TTN: variants seen among roughly 807,000 people sequenced by gnomAD.
The protein encoded by TTN is connectin.
Under a neutral mutation model 3,223.0 loss-of-function variants are expected in TTN, and 1,525 were observed. The observed-to-expected ratio is 0.47, with a 90% CI of 0.45 to 0.49. The LOEUF (loss-of-function observed/expected upper bound fraction) is 0.49. Among genes scored for constraint, TTN ranks in the 20% least tolerant of loss-of-function variants. The pLI is 0.00. For synonymous variants in TTN, 14,094 were observed against 15,161.0 expected (o/e 0.93, Z 5.17); for missense variants, 40,786 against 43,424.0 (o/e 0.94, Z 5.40).
At position 178,718,154 on chromosome 2, in the gene TTN, C is replaced by T. The variant is rs1375269044; in HGVS notation, c.24852G>A (p.Gln8284=). 2.5e-6 allele frequency: 4 copies of T among 1,607,268 alleles called. No homozygotes were observed. Among genetic ancestry groups the T allele is most frequent in the African/African-American group, 2.7e-5 (2 of 74,888 alleles). The part of the protein sequence containing the change: ...EAVIGEPATL[Q]CKVDGTPEIR... ...TTTCTGGAGTTCCATCCACTTTACA[C>T]TGTAAAGTTGCAGGTTCTCCAATGA... Residue 8284 remains glutamine (Q), a synonymous_variant, in exon 86 of 363, where the codon CAG becomes CAA. Transcript: ENST00000589042.
chr2:178,719,689 G>A lies in TTN; in HGVS notation c.23803C>T (p.His7935Tyr). ...ACTTTATTGATGAATGTAATGTGAT[G>A]TTTGCTGTCTGCAGACAATTCTCTT... ...DGRELSADSKHHITFINKVAS... is the reference protein window; with the variant it reads ...DGRELSADSKYHITFINKVAS... The change falls in exon 82 of 363, where the codon CAT becomes TAT. Residue 7935 changes from histidine to tyrosine, a missense_variant. Physicochemically the swap from His to Tyr is moderately conservative, Grantham distance 83. Transcript: ENST00000589042. The A allele has an allele frequency of 6.2e-7, 1 of 1,613,718 alleles. No individual in the cohort carries two copies. Among genetic ancestry groups the A allele is most frequent in the Non-Finnish European group, 8.5e-7 (1 of 1,179,716 alleles).
chr2:178,697,278 ACT>A, intron 112 of TTN, 110 bp from the exon 113 acceptor site: 1 of 824,300 alleles, frequency 1.2e-6, no homozygotes, highest in Non-Finnish European at 1.8e-6. Context: ...TATGACTACT[ACT>A]CATACACCAG....
At chr2:178,635,086 C>G in intron 228 of TTN, 79 bp downstream of exon 228, 1 of 1,569,100 alleles carries the variant, frequency 6.4e-7, no homozygotes, top group Non-Finnish European at 8.6e-7. Context: ...TTAAAGCAAC[C>G]CGAATCTAGG....
rs930220089 is a variant in TTN, at chr2:178,624,595, GC to G, written c.44684del (p.Ser14895ThrfsTer41). 6.2e-7 allele frequency: 1 copy of G among 1,612,616 alleles called. No homozygotes were observed. Among genetic ancestry groups the G allele is most frequent in the Non-Finnish European group, 8.5e-7 (1 of 1,179,140 alleles). On this transcript the variant is annotated frameshift_variant, in exon 242 of 363. Transcript: ENST00000589042. LOFTEE classifies it high-confidence loss of function. The stretch of plus-strand genomic sequence containing the variant: ...CATCAGCAACAATTTCATACTTCTT[GC>G]TTTTGAGGATTTCTGTCCCATTTTT... The part of the protein sequence containing the change: ...WFKNGTEILK[S>X]KKYEIVADGR...
In TTN at chr2:178,567,346, C is replaced by T. The variant is rs1175820959; in HGVS notation, c.78786G>A (p.Gly26262=). 1.3e-6 allele frequency: 2 copies of T among 1,598,414 alleles called. No homozygotes were observed. Among genetic ancestry groups the T allele is most frequent in the Admixed American group, 3.5e-5 (2 of 56,872 alleles). Residue 26262 remains glycine (G), a synonymous_variant, in exon 326 of 363, where the codon GGG becomes GGA. Transcript: ENST00000589042. ...IVKDAIRIDG[G]QYILRASNVA... ...CATTGGAAGCTCTTAAAATATACTGCCCACCATCAATTCTAATTGCATCTT... is the reference window on the plus strand; with the variant it reads ...CATTGGAAGCTCTTAAAATATACTGTCCACCATCAATTCTAATTGCATCTT...
rs1559444507 is a variant in TTN at position 178,575,034 on chromosome 2, C to G, written c.71098G>C (p.Asp23700His). Reference protein sequence around the residue: ...ILNINECVRSDSGPYPLTARN... With the variant: ...ILNINECVRSHSGPYPLTARN... ...GCTGTTAATGGATAGGGCCCACTAT[C>G]ACTTCTGACACACTCATTGATATTT... Residue 23700 changes from aspartate to histidine, a missense_variant, in exon 326 of 363, where the codon GAT becomes CAT. Transcript: ENST00000589042. This position sits in a 1 kb window ranked among gnomAD's most constrained non-coding sequence, Gnocchi z 4.0. 1.9e-6 allele frequency: 3 copies of G among 1,613,422 alleles called. No homozygotes were observed. Among genetic ancestry groups the G allele is most frequent in the Non-Finnish European group, 2.5e-6 (3 of 1,179,610 alleles).
Position 178,572,357 on chromosome 2 carries a change from C to CTGAAATAGT in TTN, c.73766_73774dup (p.Phe24591_Arg24592insAsnTyrPhe). On this transcript the variant is annotated inframe_insertion, in exon 326 of 363. Transcript: ENST00000589042. ...GCCATATTCATTTTCTGCGAGAACCCTGAAATAGTAGCTACAGCCTTCTTG... is the reference window on the plus strand; with the variant it reads ...GCCATATTCATTTTCTGCGAGAACCCTGAAATAGTTGAAATAGTAGCTACAGCCTTCTTG... The CTGAAATAGT allele has an allele frequency of 2.5e-6, 4 of 1,612,552 alleles. No homozygotes were observed. Among genetic ancestry groups the CTGAAATAGT allele is most frequent in the Non-Finnish European group, 3.4e-6 (4 of 1,178,842 alleles).
chr2:178,716,305 C>A (rs1180885600), intron 88 of TTN, among the ~76,000 whole-genome samples: 3 of 152,082 alleles, frequency 2.0e-5, no homozygotes, highest in African/African-American at 7.2e-5. Flanking sequence ...TCATAATTTT[C>A]CTTTGAAGTG....
chr2:178,610,204 C>T lies in TTN; in HGVS notation c.51322G>A (p.Val17108Met). ...MSGENKLSWT[V>M]KDLIPNGEYF... ...TCACCATTTGGTATGAGATCCTTCA[C>T]AGTCCATGACAGTTTGTTCTCACCA... The change falls in exon 271 of 363, where the codon GTG becomes ATG. Residue 17108 changes from valine (V) to methionine (M), a missense_variant. Coordinates refer to ENST00000589042, the MANE Select transcript of TTN (RefSeq NM_001267550.2). 1.9e-6 allele frequency: 3 copies of T among 1,613,006 alleles called. No homozygotes were observed. The highest frequency in any genetic ancestry group is 2.5e-6 in the Non-Finnish European group (3 of 1,179,294).
At position 178,675,090 on chromosome 2, in the gene TTN, C is replaced by T. The variant is rs963035255; in HGVS notation, c.34561G>A (p.Glu11521Lys). ...AKVPEVPKKV[E>K]EKRIILPKEE... ...TTAGGGAGAATGATTCGTTTTTCTT[C>T]CACCTTCTTAGGCACCTCAGGAACT... The change falls in exon 150 of 363, where the codon GAA becomes AAA. Residue 11521 changes from glutamate to lysine, a missense_variant. Physicochemically the swap from Glu to Lys is moderately conservative, Grantham distance 56. Transcript: ENST00000589042. The T allele has an allele frequency of 6.4e-7, 1 of 1,562,106 alleles. No homozygotes were observed. Among genetic ancestry groups the T allele is most frequent in the Non-Finnish European group, 8.6e-7 (1 of 1,159,590 alleles).
Position 178,707,650 on chromosome 2 carries a change from G to A in TTN, c.28917C>T (p.Ser9639=). ...EIKPSDRCSF[S]FASGTAVLEL... Reference sequence around the variant, plus strand: ...CCAGTACAGCTGTCCCACTAGCAAAGCTGAAGCTGCATCTGTCTGAAGGCT... The same window carrying A: ...CCAGTACAGCTGTCCCACTAGCAAAACTGAAGCTGCATCTGTCTGAAGGCT... Residue 9639 remains serine (S), a synonymous_variant, in exon 100 of 363, where the codon AGC becomes AGT. Coordinates refer to ENST00000589042, the MANE Select transcript of TTN (RefSeq NM_001267550.2). 1.9e-6 allele frequency: 3 copies of A among 1,613,900 alleles called. No individual in the cohort carries two copies. In the South Asian group the frequency reaches 3.3e-5, roughly 18 times the overall value.
In TTN at chr2:178,609,959, T is replaced by A; in HGVS notation, c.51464A>T (p.Glu17155Val). 6.2e-7 allele frequency: 1 copy of A among 1,612,310 alleles called. No individual in the cohort carries two copies. Among genetic ancestry groups the A allele is most frequent in the Non-Finnish European group, 8.5e-7 (1 of 1,179,006 alleles). Residue 17155 changes from glutamate (E) to valine (V), a missense_variant, in exon 272 of 363, where the codon GAG becomes GTG. Transcript: ENST00000589042. ...TGCCTCCGCTGTAGGATTATGAACCTCTACATCTACAGGTGGATCAGGGGG... is the reference window on the plus strand; with the variant it reads ...TGCCTCCGCTGTAGGATTATGAACCACTACATCTACAGGTGGATCAGGGGG... ...KQPPDPPVDV[E>V]VHNPTAEAMT...
At chr2:178,588,478 A>G in intron 304 of TTN, 60 bp downstream of exon 304, 2 of 1,458,134 alleles carry the variant, frequency 1.4e-6, no homozygotes, top group Non-Finnish European at 9.2e-7. Flanking sequence ...TATTTATCGA[A>G]TACTTCTGTG....
Position 178,561,005 on chromosome 2 carries a change from T to G in TTN, c.85127A>C (p.Lys28376Thr). ...VIVVKAGEVL[K>T]INADIAGRPL... ...TCGCCCTGCAATGTCTGCATTTATC[T>G]TAAGGACCTCTCCAGCTTTGACAAC... Residue 28376 changes from lysine (K) to threonine (T), a missense_variant, in exon 326 of 363, where the codon AAG becomes ACG. Transcript: ENST00000589042. 3.7e-6 allele frequency: 6 copies of G among 1,613,880 alleles called. No homozygotes were observed. Among genetic ancestry groups the G allele is most frequent in the Non-Finnish European group, 5.1e-6 (6 of 1,179,808 alleles).
At chr2:178,746,948 G>A (rs765715963) in intron 47 of TTN, 3 of 1,613,414 alleles carry the variant, frequency 1.9e-6, no homozygotes, top group African/African-American at 2.7e-5. Context: ...CTCTTCTGTA[G>A]GTGTGTAGAA....
At position 178,768,685 on chromosome 2, in the gene TTN, G is replaced by C; in HGVS notation, c.9151C>G (p.Leu3051Val). 6.2e-7 allele frequency: 1 copy of C among 1,613,998 alleles called. No homozygotes were observed. The highest frequency in any genetic ancestry group is 8.5e-7 in the Non-Finnish European group (1 of 1,180,000). ...TATGAAACCATACCTTCCACATAAA[G>C]TGTGGCTGTTGATGTTGCTTTTCCA... ...VAGKATSTAT[L>V]YVEARHIEFR... The change falls in exon 38 of 363, where the codon CTT becomes GTT. Residue 3051 changes from leucine to valine, a missense_variant. Coordinates refer to ENST00000589042, the MANE Select transcript of TTN (RefSeq NM_001267550.2).
rs772942895 is a variant in TTN at position 178,539,501 on chromosome 2, A to G, written c.98564T>C (p.Leu32855Pro). 5.6e-6 allele frequency: 9 copies of G among 1,613,796 alleles called. No individual in the cohort carries two copies. Among genetic ancestry groups the G allele is most frequent in the South Asian group, 4.4e-5 (4 of 91,078 alleles). ...ATTCTCTTTGAGGCCTTTTACCACC[A>G]GAGATGTACCTCGGACTCTGGAATC... ...TIDSRVRGTSLVVKGLKENVE... is the reference protein window; with the variant it reads ...TIDSRVRGTSPVVKGLKENVE... Residue 32855 changes from leucine (L) to proline (P), a missense_variant, in exon 352 of 363, where the codon CTG (leucine) becomes CCG (proline). By Grantham distance (98) the Leu-to-Pro change is moderately conservative. Coordinates refer to ENST00000589042, the MANE Select transcript of TTN (RefSeq NM_001267550.2).
At position 178,773,316 on chromosome 2, in the gene TTN, C is replaced by T; in HGVS notation, c.7648G>A (p.Val2550Met). Residue 2550 changes from valine to methionine, a missense_variant, in exon 33 of 363, where the codon GTG (valine) becomes ATG (methionine). Physicochemically the swap from Val to Met is conservative, Grantham distance 21. Coordinates refer to ENST00000589042, the MANE Select transcript of TTN (RefSeq NM_001267550.2). ...TGGGACAGCTCAACCTCAAACACCA[C>T]ATTTTGAGTTTCTGTACAGGTAAGG... ...RDLTCTETQN[V>M]VFEVELSHSG... 6.2e-7 allele frequency: 1 copy of T among 1,613,934 alleles called. No homozygotes were observed. The highest frequency in any genetic ancestry group is 1.3e-5 in the African/African-American group (1 of 75,008).
chr2:178,719,591 A>C lies in TTN; in HGVS notation c.23901T>G (p.Val7967=), dbSNP rs550995785. The C allele has an allele frequency of 3.2e-5, 52 of 1,611,958 alleles. No homozygotes were observed. Among genetic ancestry groups the C allele is most frequent in the Non-Finnish European group, 4.2e-5 (49 of 1,178,342 alleles). Residue 7967 remains valine, a synonymous_variant, in exon 82 of 363, where the codon GTT becomes GTG. Coordinates refer to ENST00000589042, the MANE Select transcript of TTN (RefSeq NM_001267550.2). ...GLYSFEVKNS[V]GKSNCTVSVH... ...CGGATACAGTGCAGTTACTTTTGCC[A>C]ACACTGTTTTTCACTTCAAAGCTAT... is the stretch of plus-strand genomic sequence containing the variant.
Sources: allele counts gnomAD v4.1 joint callset (sites outside exome capture counted in the v4.1 genomes callset), GRCh38; gene constraint gnomAD v4.1.1; non-coding constraint Gnocchi (gnomAD v3.1); transcripts MANE v1.5; gene names NCBI Gene and HGNC (gene_info 2026-07-23, HGNC 2026-07-21).